The following NFRKB variants were observed in gnomAD, a reference collection of about 807,000 sequenced individuals.
NFRKB encodes nuclear factor related to kappa-B-binding protein.
Under a neutral mutation model 135.7 loss-of-function variants are expected in NFRKB, and 62 were observed. That is an observed-to-expected ratio of 0.46 (90% CI 0.37 to 0.56). The LOEUF (loss-of-function observed/expected upper bound fraction) is 0.56. NFRKB is among the 20% of genes least tolerant of loss of function. The pLI, the probability that NFRKB is intolerant of heterozygous loss-of-function variation, is 0.00. For missense variants in NFRKB, 1,545 were observed against 1,662.0 expected, an observed-to-expected ratio of 0.93 and a Z score of 1.22; for synonymous variants, 678 against 635.6, an observed-to-expected ratio of 1.07 and a Z score of -1.00.
rs1948427559 is a variant in NFRKB at position 129,870,104 on chromosome 11, G to A, written c.2921C>T (p.Pro974Leu). The A allele has an allele frequency of 6.2e-7, 1 of 1,614,156 alleles. No individual in the cohort carries two copies. ...CTTGGCCAATGTGGCCATCATGTCC[G>A]GAGTGATTCGCAGAACCGTCTGGCC... is the stretch of plus-strand genomic sequence containing the variant. ...AKGQTVLRIT[P>L]DMMATLAKSQ... The change falls in exon 24 of 27, where the codon CCG becomes CTG. Residue 974 changes from proline (P) to leucine (L), a missense_variant. Pro to Leu is a moderately conservative substitution (Grantham distance 98, BLOSUM62 -3). Coordinates refer to ENST00000682444, the MANE Select transcript of NFRKB (RefSeq NM_001143835.2).
At chr11:129,877,701 G>A (rs1948832154) in intron 15 of NFRKB, among the ~76,000 whole-genome samples, 2 of 152,048 alleles carry the variant, frequency 1.3e-5, no homozygotes, top group Admixed American at 6.6e-5. Context: ...TTCGGCCTTA[G>A]AGGAACAAAG....
At chr11:129,865,805 G>T in intron 25 of NFRKB, 72 bp downstream of exon 25, 1 of 1,383,040 alleles carries the variant, frequency 7.2e-7, no homozygotes, top group Non-Finnish European at 1.0e-6. Context: ...GCCACTCGGT[G>T]ACAAGGACTG....
chr11:129,869,135 T>C lies in NFRKB; in HGVS notation c.3531+359A>G, dbSNP rs565125341. ...TCAAGAAAAGGACTAGGAGGATAAA[T>C]GCCGAACTACCAACAGCAATTAGTC... On this transcript the variant is annotated intron_variant, in intron 24 of 26. Coordinates refer to ENST00000682444, the MANE Select transcript of NFRKB (RefSeq NM_001143835.2). 1.5e-3 allele frequency among the ~76,000 whole-genome samples: 235 copies of C among 152,318 alleles called. 1 individual carries two copies. Among genetic ancestry groups the C allele is most frequent in the African/African-American group, 4.9e-3 (205 of 41,568 alleles).
At chr11:129,890,778 C>T (rs1376157720) in intron 3 of NFRKB, among the ~76,000 whole-genome samples, 1 of 152,150 alleles carries the variant, frequency 6.6e-6, no homozygotes, top group Non-Finnish European at 1.5e-5. Flanking sequence ...TGGACAAAAA[C>T]AAGCTGGCAT....
chr11:129,873,224 G>T, intron 22 of NFRKB, 128 bp from the exon 23 acceptor site: 2 of 711,544 alleles, frequency 2.8e-6, no homozygotes, highest in Non-Finnish European at 4.5e-6. Context: ...CAGTACTTAA[G>T]GCACACCACT....
At chr11:129,873,597 C>T (rs749643959) in intron 22 of NFRKB, 148 bp downstream of exon 22, 9 of 1,132,164 alleles carry the variant, frequency 7.9e-6, no homozygotes, top group East Asian at 2.4e-5. Flanking sequence ...CAGCTCTGAA[C>T]ATTCAGTGGC....
At position 129,872,965 on chromosome 11, in the gene NFRKB, C is replaced by T. The variant is rs145520106; in HGVS notation, c.2682G>A (p.Thr894=). 3 of 1,614,150 alleles carry T rather than the reference C, an allele frequency of 1.9e-6. No individual in the cohort carries two copies. The highest frequency in any genetic ancestry group is 2.2e-5 in the East Asian group (1 of 44,868). Residue 894 remains threonine (T), a synonymous_variant, in exon 23 of 27, where the codon ACG becomes ACA. Transcript: ENST00000682444. The stretch of plus-strand genomic sequence containing the variant: ...TGGGAGCAGAGGTCCCAGGAGAACT[C>T]GTGGCTGGCTTACTCACAGGGCTGG... ...ATASPVSKPA[T]SSPGTSAPSA...
chr11:129,877,947 C>A (rs1591502723), intron 15 of NFRKB, among the ~76,000 whole-genome samples: 1 of 152,194 alleles, frequency 6.6e-6, no homozygotes, highest in African/African-American at 2.4e-5. Flanking sequence ...TGGGGTCCTG[C>A]TGCTAACCTT....
chr11:129,890,836 A>G (rs1013125873), intron 3 of NFRKB, among the ~76,000 whole-genome samples: 2 of 152,210 alleles, frequency 1.3e-5, no homozygotes, highest in Non-Finnish European at 2.9e-5. Context: ...TACCTTATGG[A>G]TACAGAAAAT....
Position 129,874,459 on chromosome 11 carries a change from T to C in NFRKB, c.2058+42A>G. ...GAGCAGCCACTCTTAGTTGCCTCCA[T>C]CCCAGAATCCCTAGGGCAGACACTC... On this transcript the variant is annotated intron_variant, in intron 20 of 26. Transcript: ENST00000682444. The surrounding 1 kb of genome is among the most constrained non-coding windows in gnomAD (Gnocchi z 4.5). The C allele has an allele frequency of 6.3e-7, 1 of 1,593,276 alleles. No homozygotes were observed. The highest frequency in any genetic ancestry group is 8.5e-7 in the Non-Finnish European group (1 of 1,171,178).
chr11:129,878,380 G>A (rs1948872397), intron 14 of NFRKB, 25 bp from the exon 15 acceptor site: 1 of 1,614,016 alleles, frequency 6.2e-7, no homozygotes, highest in Non-Finnish European at 8.5e-7. Flanking sequence ...AACGTTGACA[G>A]GTAAATGGAC....
At position 129,875,390 on chromosome 11, in the gene NFRKB, G is replaced by A; in HGVS notation, c.1821C>T (p.Ser607=). 6.2e-7 allele frequency: 1 copy of A among 1,613,474 alleles called. No homozygotes were observed. Among genetic ancestry groups the A allele is most frequent in the Non-Finnish European group, 8.5e-7 (1 of 1,179,848 alleles). ...TGGTGACATCTGGTGCAAGAAACTGGGAGTCCTTAAGCAGTTCACAGATCT... is the reference window on the plus strand; with the variant it reads ...TGGTGACATCTGGTGCAAGAAACTGAGAGTCCTTAAGCAGTTCACAGATCT... ...RAEICELLKD[S]QFLAPDVTST... is the part of the protein sequence containing the mutation. Residue 607 remains serine (S), a synonymous_variant, in exon 18 of 27, where the codon TCC becomes TCT. Transcript: ENST00000682444.
intron 2 of NFRKB, 38 bp from the exon 3 acceptor site, chr11:129,892,908 A>G (rs1181275036): frequency 6.2e-6 from 10 of 1,613,452 alleles, no homozygotes; most frequent in South Asian, 1.1e-5. Flanking sequence ...GAAAGGCAGA[A>G]ATTCCAGGGA....
chr11:129,888,351 G>A, intron 4 of NFRKB: 1 of 652,680 alleles, frequency 1.5e-6, no homozygotes, highest in Admixed American at 2.5e-5. Flanking sequence ...TTATGTAGAT[G>A]CTGGTTACAA....
At chr11:129,880,127 T>C (rs909554107) in intron 13 of NFRKB, among the ~76,000 whole-genome samples, 3 of 152,050 alleles carry the variant, frequency 2.0e-5, no homozygotes, top group African/African-American at 7.3e-5. Context: ...GAGGCAGATG[T>C]TGCAGTGAGC....
At chr11:129,876,591 G>T in intron 17 of NFRKB, 130 bp downstream of exon 17, 13 of 992,284 alleles carry the variant, frequency 1.3e-5, no homozygotes, top group Non-Finnish European at 1.9e-5. Context: ...GCAATGCTTT[G>T]AAAAACTATG....
chr11:129,871,065 T>C (rs1053778240), intron 23 of NFRKB, among the ~76,000 whole-genome samples: 5 of 152,198 alleles, frequency 3.3e-5, no homozygotes, highest in African/African-American at 1.2e-4. Flanking sequence ...CATCCACAGA[T>C]GCTCAAGTCC....
At chr11:129,876,630 A>G (rs1948777979) in intron 17 of NFRKB, 91 bp downstream of exon 17, 2 of 1,376,348 alleles carry the variant, frequency 1.5e-6, no homozygotes, top group Non-Finnish European at 2.0e-6. Context: ...CCCTGGGTGG[A>G]GGGGTAAGGA....
intron 25 of NFRKB, 148 bp from the exon 26 acceptor site, chr11:129,865,249 C>CCA (rs1036250329): frequency 2.5e-5 from 22 of 874,604 alleles, no homozygotes; most frequent in Non-Finnish European, 3.3e-5. Flanking sequence ...ACTGCTGAGA[C>CCA]CACCTTTCTT....
Sources: allele counts gnomAD v4.1 joint callset (sites outside exome capture counted in the v4.1 genomes callset), GRCh38; gene constraint gnomAD v4.1.1; non-coding constraint Gnocchi (gnomAD v3.1); transcripts MANE v1.5; gene names NCBI Gene and HGNC (gene_info 2026-07-23, HGNC 2026-07-21).